Variants in JPH3 observed in about 807,000 individuals in gnomAD.
The protein encoded by JPH3 is junctophilin 3, also known as junctophilin-3.
JPH3 carries 11 observed loss-of-function variants against 59.6 expected under a neutral mutation model. The observed-to-expected ratio is 0.18, with a 90% CI of 0.12 to 0.31. JPH3 has a LOEUF of 0.31. JPH3 is among the 10% of genes least tolerant of loss of function. The pLI is 1.00. For missense variants in JPH3, 1,202 were observed against 1,105.7 expected (o/e 1.09, Z -1.24); for synonymous variants, 673 against 483.6 (o/e 1.39, Z -5.14).
chr16:87,614,006 C>T (rs2030838962), intron 1 of JPH3, among the ~76,000 whole-genome samples: 1 of 152,104 alleles, frequency 6.6e-6, no homozygotes, highest in African/African-American at 2.4e-5. Context: ...TTCCAGGGGC[C>T]CACTTGCTTT....
intron 2 of JPH3, among the ~76,000 whole-genome samples, chr16:87,663,746 C>G (rs577446454): frequency 2.0e-5 from 3 of 152,224 alleles, no homozygotes; most frequent in African/African-American, 7.2e-5. Context: ...TCCAGCCCAC[C>G]TCCCTCGGTA....
chr16:87,606,675 G>A (rs2030533363), intron 1 of JPH3, among the ~76,000 whole-genome samples: 1 of 152,174 alleles, frequency 6.6e-6, no homozygotes, highest in Admixed American at 6.5e-5. Flanking sequence ...AATTGAGAAT[G>A]GTGTGCGTGG....
intron 3 of JPH3, among the ~76,000 whole-genome samples, chr16:87,686,149 G>A (rs544239581): frequency 1.3e-5 from 2 of 152,202 alleles, no homozygotes; most frequent in Non-Finnish European, 2.9e-5. Context: ...AGAAACACGA[G>A]TTTGCCTTTT....
At chr16:87,661,609 G>A (rs550065305) in intron 2 of JPH3, among the ~76,000 whole-genome samples, 32 of 152,326 alleles carry the variant, frequency 2.1e-4, no homozygotes, top group African/African-American at 6.7e-4. Flanking sequence ...GGGGAGAGCC[G>A]AGAACACACC....
intron 2 of JPH3, among the ~76,000 whole-genome samples, chr16:87,651,965 T>C (rs1425928409): frequency 6.7e-6 from 1 of 149,972 alleles, no homozygotes; most frequent in African/African-American, 2.5e-5. Flanking sequence ...CAGCCAACAT[T>C]GTTGTCGTTT....
intron 1 of JPH3, among the ~76,000 whole-genome samples, chr16:87,635,903 G>A (rs1412284010): frequency 6.6e-6 from 1 of 152,232 alleles, no homozygotes; most frequent in Non-Finnish European, 1.5e-5. Context: ...TCCTGAGAGG[G>A]TCTGGAAGGA....
At position 87,642,804 on chromosome 16, in the gene JPH3, G is replaced by A. The variant is rs1285559634; in HGVS notation, c.383-1454G>A. 3.3e-5 allele frequency among the ~76,000 whole-genome samples: 5 copies of A among 152,352 alleles called. 1 individual carries two copies. The South Asian group carries it at 6.2e-4, about 19-fold the overall frequency. ...ACAGACGAGGACACTGAGGGCCAGC[G>A]GGGCCCAGAAACTTCCCTGAGTCAC... On this transcript the variant is annotated intron_variant, in intron 1 of 4. Transcript: ENST00000284262.
chr16:87,645,443 G>T (rs748918293), intron 2 of JPH3, among the ~76,000 whole-genome samples: 3 of 152,242 alleles, frequency 2.0e-5, no homozygotes, highest in Non-Finnish European at 4.4e-5. Flanking sequence ...GCACTGCAGG[G>T]CTGTGGGAGG....
chr16:87,625,253 A>AG (rs1223278189), intron 1 of JPH3, among the ~76,000 whole-genome samples: 1 of 152,110 alleles, frequency 6.6e-6, no homozygotes, highest in Non-Finnish European at 1.5e-5. Context: ...CTGCGTTTGG[A>AG]GGAAGTGGGG....
In JPH3 at chr16:87,658,874, C is replaced by G. The variant is rs1454992448; in HGVS notation, c.1160+13839C>G. On this transcript the variant is annotated intron_variant, in intron 2 of 4. Transcript: ENST00000284262. ...CCCCCCAGCCCCTATTTCCTCCTCT[C>G]CAAACCCAGCCATCCCAGTTAATTA... Among the ~76,000 whole-genome samples the G allele has an allele frequency of 2.0e-5, 3 of 152,254 alleles. No homozygotes were observed. In the South Asian group the frequency reaches 6.2e-4, roughly 31 times the overall value.
chr16:87,634,693 T>G (rs1366856847), intron 1 of JPH3, among the ~76,000 whole-genome samples: 1 of 152,110 alleles, frequency 6.6e-6, no homozygotes, highest in Non-Finnish European at 1.5e-5. Flanking sequence ...ACGGGCCCTA[T>G]AGGAGGCAGG....
chr16:87,635,930 A>C (rs994077229), intron 1 of JPH3, among the ~76,000 whole-genome samples: 3 of 152,230 alleles, frequency 2.0e-5, no homozygotes, highest in African/African-American at 7.2e-5. Flanking sequence ...GCACCCTGCG[A>C]ACCCACCTTC....
intron 4 of JPH3, 73 bp from the exon 5 acceptor site, chr16:87,696,506 TG>T: frequency 8.1e-7 from 1 of 1,235,750 alleles, no homozygotes. Flanking sequence ...TGAAAAGACG[TG>T]GGTGGGAGGC....
Position 87,644,704 on chromosome 16 carries a change from G to C in JPH3, c.829G>C (p.Glu277Gln). The C allele has an allele frequency of 1.2e-6, 2 of 1,612,264 alleles. No homozygotes were observed. The highest frequency in any genetic ancestry group is 1.1e-5 in the South Asian group (1 of 91,074). The change falls in exon 2 of 5, where the codon GAG (glutamate) becomes CAG (glutamine). Residue 277 changes from glutamate (E) to glutamine (Q), a missense_variant. Physicochemically the swap from Glu to Gln is conservative, Grantham distance 29. Coordinates refer to ENST00000284262, the MANE Select transcript of JPH3 (RefSeq NM_020655.4). ...GEAEAELAVIEDDIDATTTET... is the reference protein window; with the variant it reads ...GEAEAELAVIQDDIDATTTET... ...GGCTGAGGCCGAGCTGGCGGTCATCGAGGACGACATCGACGCCACCACCAC... is the reference window on the plus strand; with the variant it reads ...GGCTGAGGCCGAGCTGGCGGTCATCCAGGACGACATCGACGCCACCACCAC...
At chr16:87,649,023 G>A (rs1429584147) in intron 2 of JPH3, among the ~76,000 whole-genome samples, 1 of 152,212 alleles carries the variant, frequency 6.6e-6, no homozygotes, top group Admixed American at 6.5e-5. Flanking sequence ...GCCACAACAC[G>A]GGTCGGAGGC....
At chr16:87,629,074 G>GT (rs1320666222) in intron 1 of JPH3, among the ~76,000 whole-genome samples, 20 of 152,092 alleles carry the variant, frequency 1.3e-4, no homozygotes, top group African/African-American at 4.8e-4. Flanking sequence ...CTGTGGGGGG[G>GT]GCCCAGGTCT....
At chr16:87,635,011 C>T (rs2031688545) in intron 1 of JPH3, among the ~76,000 whole-genome samples, 1 of 152,194 alleles carries the variant, frequency 6.6e-6, no homozygotes, top group Admixed American at 6.5e-5. Flanking sequence ...CTGCATGGAG[C>T]CATGGAAATG....
chr16:87,633,249 C>T (rs917607143), intron 1 of JPH3, among the ~76,000 whole-genome samples: 23 of 151,928 alleles, frequency 1.5e-4, no homozygotes, highest in African/African-American at 5.3e-4. Flanking sequence ...CTCTGAGTCC[C>T]TTCATAGAAA....
intron 3 of JPH3, among the ~76,000 whole-genome samples, chr16:87,688,324 G>T (rs1381617014): frequency 6.6e-6 from 1 of 152,212 alleles, no homozygotes; most frequent in Non-Finnish European, 1.5e-5. Context: ...TCTTAGACCA[G>T]CAAGGAGGAG....
Sources: gnomAD v4.1 joint callset for allele counts (sites outside exome capture counted in the v4.1 genomes callset) on GRCh38, gnomAD v4.1.1 for gene constraint, MANE v1.5 for transcripts, NCBI Gene and HGNC (gene_info 2026-07-23, HGNC 2026-07-21) for gene names.